Variants in CORIN observed in about 807,000 individuals in gnomAD.
CORIN encodes the protein atrial natriuretic peptide-converting enzyme.
In CORIN, 117 loss-of-function variants were observed where a neutral mutation model predicts 125.3. The observed-to-expected ratio is 0.93, with a 90% CI of 0.80 to 1.09. The LOEUF (loss-of-function observed/expected upper bound fraction) is 1.09, where lower values mean the gene tolerates loss of function less well. Among genes scored for constraint, CORIN ranks in the 50% least tolerant of loss-of-function variants. CORIN has a pLI of 0.00. For synonymous variants in CORIN, 450 were observed against 466.4 expected (o/e 0.96, Z 0.45); for missense variants, 1,253 against 1,306.7 (o/e 0.96, Z 0.63).
chr4:47,685,202 T>C (rs1207587200), intron 6 of CORIN, among the ~76,000 whole-genome samples: 1 of 152,100 alleles, frequency 6.6e-6, no homozygotes, highest in Admixed American at 6.6e-5. Context: ...TATATCCACA[T>C]GAAGATTTAT....
chr4:47,804,736 AG>A (rs1213620706), intron 2 of CORIN, among the ~76,000 whole-genome samples: 1,869 of 17,568 alleles, frequency 0.11, 12 homozygotes, highest in Middle Eastern at 0.13. Context: ...GGGGGTGGGG[AG>A]GGGGGGGGTT....
rs574373190 is a variant in CORIN at position 47,672,118 on chromosome 4, A to G, written c.1357+2275T>C. ...TGTAGAATATATCAGTGGGAAGATGACAATATGTTCTCCCACACTGAAAAG... is the reference window on the plus strand; with the variant it reads ...TGTAGAATATATCAGTGGGAAGATGGCAATATGTTCTCCCACACTGAAAAG... On this transcript the variant is annotated intron_variant, in intron 10 of 21. Coordinates refer to ENST00000273857, the MANE Select transcript of CORIN (RefSeq NM_006587.4). Among the ~76,000 whole-genome samples, 57 of 152,304 alleles carry G rather than the reference A, an allele frequency of 3.7e-4. 1 individual carries two copies. The South Asian group carries it at 0.011, about 30-fold the overall frequency.
At chr4:47,701,857 C>T (rs1047896076) in intron 5 of CORIN, among the ~76,000 whole-genome samples, 1 of 151,926 alleles carries the variant, frequency 6.6e-6, no homozygotes, top group Non-Finnish European at 1.5e-5. Flanking sequence ...TAAATATGAC[C>T]TGGAAGCATT....
chr4:47,742,573 G>C lies in CORIN; in HGVS notation c.799+1829C>G, dbSNP rs971072183. Among the ~76,000 whole-genome samples, 7 of 152,012 alleles carry C rather than the reference G, an allele frequency of 4.6e-5. 1 individual carries two copies. The highest frequency in any genetic ancestry group is 2.6e-4 in the Admixed American group (4 of 15,268). On this transcript the variant is annotated intron_variant, in intron 5 of 21. Coordinates refer to ENST00000273857, the MANE Select transcript of CORIN (RefSeq NM_006587.4). ...ATGGTTAAACCTATAACACATAATT[G>C]AGAGAAATTTTAAAATGCCTCATTG... is the stretch of plus-strand genomic sequence containing the variant.
chr4:47,681,290 A>G (rs547010651), intron 7 of CORIN: 2 of 152,338 alleles, frequency 1.3e-5, no homozygotes, highest in African/African-American at 4.8e-5. Context: ...GAAGAAAAGC[A>G]TAAGAAGTGC....
intron 5 of CORIN, among the ~76,000 whole-genome samples, chr4:47,740,227 G>C (rs1253047070): frequency 6.6e-6 from 1 of 151,846 alleles, no homozygotes; most frequent in Non-Finnish European, 1.5e-5. Flanking sequence ...GAAATTTTTA[G>C]GTGCCTATGT....
At chr4:47,780,893 T>C (rs1730513031) in intron 3 of CORIN, among the ~76,000 whole-genome samples, 1 of 151,572 alleles carries the variant, frequency 6.6e-6, no homozygotes. Context: ...CTATCGAATA[T>C]ATATATATCC....
chr4:47,747,130 C>A (rs1728699298), intron 4 of CORIN, among the ~76,000 whole-genome samples: 1 of 152,138 alleles, frequency 6.6e-6, no homozygotes, highest in Non-Finnish European at 1.5e-5. Flanking sequence ...CAGCACCCCA[C>A]CTAGATGGCC....
At chr4:47,808,971 C>T (rs1419385011) in intron 1 of CORIN, among the ~76,000 whole-genome samples, 1 of 152,122 alleles carries the variant, frequency 6.6e-6, no homozygotes, top group Non-Finnish European at 1.5e-5. Context: ...ATGATAAGCA[C>T]CATGACACTT....
chr4:47,824,057 G>T (rs574462516), intron 1 of CORIN, among the ~76,000 whole-genome samples: 2 of 151,630 alleles, frequency 1.3e-5, no homozygotes, highest in South Asian at 2.1e-4. Context: ...GTTCACCAAG[G>T]AGCAAGGAAT....
intron 4 of CORIN, among the ~76,000 whole-genome samples, chr4:47,746,938 T>C (rs1397813614): frequency 6.6e-6 from 1 of 152,176 alleles, no homozygotes; most frequent in African/African-American, 2.4e-5. Flanking sequence ...GAATCAGTAT[T>C]TGTCAAAGGG....
chr4:47,617,051 C>T (rs1229784555), intron 19 of CORIN, among the ~76,000 whole-genome samples: 1 of 152,004 alleles, frequency 6.6e-6, no homozygotes, highest in African/African-American at 2.4e-5. Flanking sequence ...GGGGGTGAGA[C>T]AAGGTGAAAG....
At chr4:47,736,324 A>G (rs1728132257) in intron 5 of CORIN, among the ~76,000 whole-genome samples, 1 of 152,224 alleles carries the variant, frequency 6.6e-6, no homozygotes, top group Non-Finnish European at 1.5e-5. Context: ...GCCATGAGGT[A>G]GTAACTTGCA....
chr4:47,641,815 T>C, intron 16 of CORIN, 105 bp downstream of exon 16: 3 of 1,382,158 alleles, frequency 2.2e-6, no homozygotes. Flanking sequence ...GAAGGACTCT[T>C]TGTTTGAGAG....
intron 3 of CORIN, among the ~76,000 whole-genome samples, chr4:47,765,183 C>T (rs1560538787): frequency 6.6e-6 from 1 of 151,156 alleles, no homozygotes; most frequent in Non-Finnish European, 1.5e-5. Context: ...TGGTGGCGGG[C>T]GTTGTGGGGG....
intron 12 of CORIN, 38 bp downstream of exon 12, chr4:47,661,673 A>G (rs1490258430): frequency 1.3e-6 from 2 of 1,558,666 alleles, no homozygotes; most frequent in East Asian, 2.3e-5. Context: ...ATGTTCATCC[A>G]TGTTAGATAC....
At chr4:47,760,865 A>T (rs184508553) in intron 4 of CORIN, among the ~76,000 whole-genome samples, 1 of 152,330 alleles carries the variant, frequency 6.6e-6, no homozygotes, top group Non-Finnish European at 1.5e-5. Context: ...CTAAATGAGC[A>T]CTTGTTACGT....
At position 47,693,027 on chromosome 4, in the gene CORIN, T is replaced by TC. The variant is rs763559763; in HGVS notation, c.855dup (p.Lys286GlufsTer5). ...TCGTTGTAGCCATTACATTGCAGTTTCCCGGGGATGCAGATTCCACTGGCA... is the reference window on the plus strand; with the variant it reads ...TCGTTGTAGCCATTACATTGCAGTTTCCCCGGGGATGCAGATTCCACTGGCA... On this transcript the variant is annotated frameshift_variant, in exon 6 of 22. Coordinates refer to ENST00000273857, the MANE Select transcript of CORIN (RefSeq NM_006587.4). LOFTEE classifies it high-confidence loss of function. 11 of 1,613,780 alleles carry TC rather than the reference T, an allele frequency of 6.8e-6. No homozygotes were observed. Among genetic ancestry groups the TC allele is most frequent in the Non-Finnish European group, 9.3e-6 (11 of 1,179,884 alleles).
At chr4:47,823,015 A>T (rs969407772) in intron 1 of CORIN, among the ~76,000 whole-genome samples, 2 of 151,956 alleles carry the variant, frequency 1.3e-5, no homozygotes, top group African/African-American at 4.8e-5. Flanking sequence ...GGGCTTCACC[A>T]TATTGGCCAG....
Sources: gnomAD v4.1 joint callset for allele counts (sites outside exome capture counted in the v4.1 genomes callset) on GRCh38, gnomAD v4.1.1 for gene constraint, MANE v1.5 for transcripts, NCBI Gene and HGNC (gene_info 2026-07-23, HGNC 2026-07-21) for gene names.